Variants in CUL2 observed in about 807,000 individuals in gnomAD.
CUL2 encodes cullin 2, also known as cullin-2.
CUL2 carries 22 observed loss-of-function variants against 110.2 expected under a neutral mutation model. That is an observed-to-expected ratio of 0.20 (90% CI 0.14 to 0.28). The LOEUF (loss-of-function observed/expected upper bound fraction) is 0.28, where lower values mean the gene tolerates loss of function less well. Among genes scored for constraint, CUL2 ranks in the 10% least tolerant of loss-of-function variants. The probability of loss-of-function intolerance (pLI) is 1.00; values close to 1 mark genes in which losing one functional copy is unlikely to be tolerated. For missense variants in CUL2, 631 were observed against 905.5 expected (o/e 0.70, Z 3.89); for synonymous variants, 279 against 293.2 (o/e 0.95, Z 0.49).
In CUL2 at chr10:35,033,268, T is replaced by C; in HGVS notation, c.1008A>G (p.Pro336=). Residue 336 remains proline (P), a synonymous_variant, in exon 11 of 21, where the codon CCA becomes CCG. Transcript: ENST00000374749. ...ATSNLTQENM[P]TLFVESVLEV... is the part of the protein sequence containing the mutation. ...CCAAAACTGACTCCACAAATAGTGT[T>C]GGCATCTAAAAATGAAATATAAGTA... The C allele has an allele frequency of 1.9e-6, 3 of 1,610,004 alleles. No individual in the cohort carries two copies.
intron 1 of CUL2, among the ~76,000 whole-genome samples, chr10:35,075,643 C>CAT (rs1008978793): frequency 1.3e-5 from 1 of 77,960 alleles, no homozygotes; most frequent in African/African-American, 4.5e-5. Context: ...AAAACACACA[C>CAT]ACACACACAC....
At chr10:35,026,410 T>G (rs2085336762) in intron 16 of CUL2, among the ~76,000 whole-genome samples, 1 of 152,218 alleles carries the variant, frequency 6.6e-6, no homozygotes, top group African/African-American at 2.4e-5. Context: ...ACAATGAATC[T>G]GGACAAAAGC....
At chr10:35,055,451 G>A (rs2134880747) in intron 4 of CUL2, among the ~76,000 whole-genome samples, 1 of 152,320 alleles carries the variant, frequency 6.6e-6, no homozygotes, top group Middle Eastern at 3.4e-3. Context: ...CATAATTCCT[G>A]GCCAGGCGTC....
Position 35,025,116 on chromosome 10 carries a change from A to C in CUL2, c.1684+16T>G. On this transcript the variant is annotated intron_variant, in intron 17 of 20. Coordinates refer to ENST00000374749, the MANE Select transcript of CUL2 (RefSeq NM_003591.4). ...GGTAAATTTCATTAAGCCAGATATA[A>C]TTAAATGCATTTTACCTGTACACAG... 6.7e-7 allele frequency: 1 copy of C among 1,487,200 alleles called. No individual in the cohort carries two copies. Among genetic ancestry groups the C allele is most frequent in the East Asian group, 2.5e-5 (1 of 39,622 alleles). The allele number at this position is 1,487,200 out of a possible 1,614,324, so 92.1% of individuals were successfully genotyped here.
intron 9 of CUL2, 150 bp from the exon 10 acceptor site, chr10:35,035,446 C>A (rs1314698827): frequency 1.5e-6 from 1 of 685,816 alleles, no homozygotes; most frequent in Non-Finnish European, 2.4e-6. Flanking sequence ...GCCACCCAAG[C>A]CCCTCTCCCC....
At chr10:35,016,154 C>A (rs747115885) in intron 18 of CUL2, 38 bp downstream of exon 18, 1 of 1,533,470 alleles carries the variant, frequency 6.5e-7, no homozygotes, top group Non-Finnish European at 9.0e-7. Flanking sequence ...AGCTTTAATG[C>A]TGATGATGCT....
intron 1 of CUL2, among the ~76,000 whole-genome samples, chr10:35,124,322 C>G (rs1393371882): frequency 6.6e-6 from 1 of 152,112 alleles, no homozygotes; most frequent in Non-Finnish European, 1.5e-5. Flanking sequence ...TGGCTCATGC[C>G]TATAATCCCA....
chr10:35,125,323 T>A (rs913287398), intron 1 of CUL2, among the ~76,000 whole-genome samples: 3 of 152,230 alleles, frequency 2.0e-5, no homozygotes, highest in African/African-American at 7.2e-5. Flanking sequence ...CTGAACTTTA[T>A]AATTAAGACT....
At chr10:35,100,289 G>C (rs1391243052) in intron 2 of CUL2, among the ~76,000 whole-genome samples, 1 of 151,950 alleles carries the variant, frequency 6.6e-6, no homozygotes, top group African/African-American at 2.4e-5. Context: ...CAAACATTCC[G>C]CTAGAAATAA....
chr10:35,033,304 T>G (rs1281123470), intron 10 of CUL2, 31 bp from the exon 11 acceptor site: 11 of 1,433,206 alleles, frequency 7.7e-6, no homozygotes, highest in Non-Finnish European at 8.8e-6. Context: ...CAAAACCACA[T>G]TTTAAGAGGT....
intron 2 of CUL2, among the ~76,000 whole-genome samples, chr10:35,067,787 T>A (rs902121488): frequency 6.6e-6 from 1 of 151,032 alleles, no homozygotes; most frequent in East Asian, 1.9e-4. Flanking sequence ...TCTATTTATA[T>A]AAAGTCCAAG....
At chr10:35,051,626 A>G (rs1391017064) in intron 5 of CUL2, among the ~76,000 whole-genome samples, 2 of 152,078 alleles carry the variant, frequency 1.3e-5, no homozygotes, top group East Asian at 1.9e-4. Context: ...AACAACAACA[A>G]CAACAAAAAA....
At chr10:35,124,224 T>C (rs2087712220) in intron 1 of CUL2, among the ~76,000 whole-genome samples, 1 of 152,106 alleles carries the variant, frequency 6.6e-6, no homozygotes, top group South Asian at 2.1e-4. Context: ...TCATTGGTAG[T>C]ATCTGATGAG....
chr10:35,067,131 C>T (rs1194419729), intron 2 of CUL2, among the ~76,000 whole-genome samples: 1 of 135,914 alleles, frequency 7.4e-6, no homozygotes, highest in African/African-American at 2.7e-5. Context: ...AAGAGCAAAA[C>T]TCCATCTCAA....
chr10:35,101,056 C>G (rs2087371065), exon 2 of CUL2: 1 of 152,150 alleles, frequency 6.6e-6, no homozygotes, highest in African/African-American at 2.4e-5. Flanking sequence ...GAGAGTGCCT[C>G]TATCCTAGGA....
At chr10:35,073,692 C>T (rs1043178981) in intron 1 of CUL2, among the ~76,000 whole-genome samples, 11 of 151,378 alleles carry the variant, frequency 7.3e-5, no homozygotes. Context: ...GCAACCTCTG[C>T]TTCCTGGGTT....
upstream of CUL2, among the ~76,000 whole-genome samples, chr10:35,091,569 T>C (rs2087203383): frequency 6.6e-6 from 1 of 152,154 alleles, no homozygotes; most frequent in Non-Finnish European, 1.5e-5. Flanking sequence ...CTGAGACCTT[T>C]ACAGAGGTCA....
intron 1 of CUL2, among the ~76,000 whole-genome samples, chr10:35,124,898 T>G (rs1432682748): frequency 6.6e-6 from 1 of 152,202 alleles, no homozygotes; most frequent in Non-Finnish European, 1.5e-5. Context: ...TGACAGCCCG[T>G]ATTTTCTCAG....
At chr10:35,082,408 G>A (rs1191871073) in intron 1 of CUL2, among the ~76,000 whole-genome samples, 1 of 152,172 alleles carries the variant, frequency 6.6e-6, no homozygotes, top group African/African-American at 2.4e-5. Context: ...GGGGAAATGG[G>A]GAGCTACTGC....
Sources: allele counts gnomAD v4.1 joint callset (sites outside exome capture counted in the v4.1 genomes callset), GRCh38; gene constraint gnomAD v4.1.1; transcripts MANE v1.5; gene names NCBI Gene and HGNC (gene_info 2026-07-23, HGNC 2026-07-21).